Variants in EYS observed in about 807,000 individuals in gnomAD.
EYS encodes the protein EGF-like photoreceptor maintenance factor, also known as protein eyes shut homolog.
Under a neutral mutation model 282.1 loss-of-function variants are expected in EYS, and 250 were observed. The observed-to-expected ratio is 0.89, with a 90% confidence interval of 0.80 to 0.98. The LOEUF is 0.98. Ranked by LOEUF, EYS falls within the 50% of genes least tolerant of loss-of-function variation. The pLI, the probability that EYS is intolerant of heterozygous loss-of-function variation, is 0.00. For missense variants in EYS, 4,016 were observed against 3,709.0 expected (o/e 1.08, Z -2.15); for synonymous variants, 1,355 against 1,282.9 (o/e 1.06, Z -1.20).
rs9351471 is a variant in EYS, at chr6:64,950,802, T to C, written c.2260-4888A>G. 5.1e-5 allele frequency among the ~76,000 whole-genome samples: 4 copies of C among 78,260 alleles called. No homozygotes were observed. In the East Asian group the frequency reaches 1.1e-3, roughly 21 times the overall value. The allele number at this position is 78,260 out of a possible 152,430, so 51.3% of individuals were successfully genotyped here. A position where few individuals can be genotyped will look rare whatever the true frequency, so the allele number is the denominator to read the frequency against. On this transcript the variant is annotated intron_variant, in intron 14 of 42. Coordinates refer to ENST00000503581, the MANE Select transcript of EYS (RefSeq NM_001142800.2). ...ATATATACACATATACATATACATA[T>C]ATATATATATATATATATATATATA...
chr6:64,866,809 A>G (rs1043797933), intron 19 of EYS, among the ~76,000 whole-genome samples: 1 of 151,764 alleles, frequency 6.6e-6, no homozygotes, highest in South Asian at 2.1e-4. Flanking sequence ...TGAGAATATT[A>G]ATTTTCCAAT....
intron 30 of EYS, among the ~76,000 whole-genome samples, chr6:64,266,077 T>A (rs919262328): frequency 6.6e-6 from 1 of 152,038 alleles, no homozygotes; most frequent in African/African-American, 2.4e-5. Context: ...ATTTTTTAAG[T>A]GTTTATATAT....
chr6:64,624,188 C>T (rs998182164), intron 23 of EYS, among the ~76,000 whole-genome samples: 5 of 152,108 alleles, frequency 3.3e-5, no homozygotes, highest in Non-Finnish European at 5.9e-5. Context: ...ATCTGAAAAG[C>T]AGCCTGAACA....
At chr6:64,323,602 A>G (rs7752301) in intron 29 of EYS, among the ~76,000 whole-genome samples, 109,003 of 151,974 alleles carry the variant, frequency 0.72, 39,305 homozygotes, top group African/African-American at 0.79. Flanking sequence ...CTATACTGAA[A>G]TATAACTACT....
chr6:64,512,732 C>G (rs1008756613), intron 26 of EYS, among the ~76,000 whole-genome samples: 8 of 151,568 alleles, frequency 5.3e-5, no homozygotes, highest in African/African-American at 1.9e-4. Context: ...GGTGATTTTC[C>G]TAGAGGAAAT....
At chr6:64,668,740 A>G (rs1769329902) in intron 22 of EYS, among the ~76,000 whole-genome samples, 2 of 150,618 alleles carry the variant, frequency 1.3e-5, no homozygotes, top group East Asian at 2.0e-4. Context: ...AATTTTTTGT[A>G]TTTTTTTAAG....
chr6:63,743,235 T>C (rs531748240), intron 41 of EYS, among the ~76,000 whole-genome samples: 27 of 151,194 alleles, frequency 1.8e-4, no homozygotes, highest in African/African-American at 6.4e-4. Context: ...ACATTATACT[T>C]ATTATTAACT....
At chr6:65,508,433 G>A (rs1245938897) in intron 2 of EYS, among the ~76,000 whole-genome samples, 1 of 151,966 alleles carries the variant, frequency 6.6e-6, no homozygotes, top group Non-Finnish European at 1.5e-5. Context: ...CAGCACTTTG[G>A]GAGGCCTAGA....
Position 64,344,197 on chromosome 6 carries a change from A to T in EYS, c.6079-37115T>A, listed in dbSNP as rs186433290. On this transcript the variant is annotated intron_variant, in intron 29 of 42. Coordinates refer to ENST00000503581, the MANE Select transcript of EYS (RefSeq NM_001142800.2). ...ATAGAAAAAGAGGGAATCCTCCCTA[A>T]CTCATTTCATGAGGCCAGCATCATC... is the stretch of plus-strand genomic sequence containing the variant. 1.8e-3 allele frequency among the ~76,000 whole-genome samples: 279 copies of T among 152,272 alleles called. 1 individual carries two copies. Among genetic ancestry groups the T allele is most frequent in the African/African-American group, 6.2e-3 (258 of 41,544 alleles).
chr6:64,585,971 C>T (rs1766222497), intron 26 of EYS, among the ~76,000 whole-genome samples: 1 of 151,940 alleles, frequency 6.6e-6, no homozygotes, highest in Admixed American at 6.6e-5. Flanking sequence ...GTAAATTTTA[C>T]CTTTTAAATT....
chr6:64,376,988 T>C (rs1340626774), intron 29 of EYS, among the ~76,000 whole-genome samples: 1 of 152,044 alleles, frequency 6.6e-6, no homozygotes, highest in Non-Finnish European at 1.5e-5. Context: ...AATATTTTCA[T>C]TAATGCATAA....
At chr6:65,631,732 A>AG (rs1294166941) in intron 2 of EYS, among the ~76,000 whole-genome samples, 3 of 152,192 alleles carry the variant, frequency 2.0e-5, no homozygotes, top group Non-Finnish European at 2.9e-5. Flanking sequence ...TTGTGTCAGC[A>AG]GTTCTAATGT....
At chr6:64,407,144 T>G (rs1207101559) in intron 28 of EYS, among the ~76,000 whole-genome samples, 1 of 152,206 alleles carries the variant, frequency 6.6e-6, no homozygotes, top group East Asian at 1.9e-4. Flanking sequence ...TCATGTCCTT[T>G]GCAGGGACAT....
chr6:65,450,950 C>T (rs1481129262), intron 5 of EYS, among the ~76,000 whole-genome samples: 1 of 152,046 alleles, frequency 6.6e-6, no homozygotes, highest in Admixed American at 6.6e-5. Context: ...AATTTATCTC[C>T]CTTTTAACTT....
intron 12 of EYS, among the ~76,000 whole-genome samples, chr6:65,138,550 A>C (rs1024132955): frequency 6.6e-5 from 10 of 152,092 alleles, no homozygotes; most frequent in Non-Finnish European, 1.3e-4. Flanking sequence ...CAGAAAACTG[A>C]AAGTTGGAGG....
chr6:64,809,769 A>G (rs9345527), intron 22 of EYS, among the ~76,000 whole-genome samples: 64,890 of 151,692 alleles, frequency 0.43, 15,150 homozygotes, highest in Admixed American at 0.62. Context: ...GGAGCTAAAC[A>G]TTGAATACAC....
At chr6:65,504,410 C>T (rs1582387895) in intron 2 of EYS, among the ~76,000 whole-genome samples, 1 of 151,468 alleles carries the variant, frequency 6.6e-6, no homozygotes, top group African/African-American at 2.4e-5. Context: ...CTTTTATTTT[C>T]TAATTGTACT....
At chr6:65,152,713 C>A (rs1484259660) in intron 12 of EYS, among the ~76,000 whole-genome samples, 9 of 151,646 alleles carry the variant, frequency 5.9e-5, no homozygotes, top group African/African-American at 2.2e-4. Context: ...ATACTTAGGT[C>A]ATTTTGAGTA....
chr6:65,003,293 G>T (rs746886352), intron 13 of EYS, among the ~76,000 whole-genome samples: 1 of 147,302 alleles, frequency 6.8e-6, no homozygotes, highest in Non-Finnish European at 1.5e-5. Context: ...GACTGCAGGC[G>T]TGAAATAGAC....
Sources: gnomAD v4.1 joint callset for allele counts (sites outside exome capture counted in the v4.1 genomes callset) on GRCh38, gnomAD v4.1.1 for gene constraint, MANE v1.5 for transcripts, NCBI Gene and HGNC (gene_info 2026-07-23, HGNC 2026-07-21) for gene names.